BCAS3: variants seen among roughly 807,000 people sequenced by gnomAD.
BCAS3 encodes the protein BCAS4/BCAS3 fusion.
Under a neutral mutation model 116.1 loss-of-function variants are expected in BCAS3, and 53 were observed. The observed-to-expected ratio is 0.46, with a 90% CI of 0.37 to 0.57. The LOEUF is 0.57. Ranked by LOEUF, BCAS3 falls within the 20% of genes least tolerant of loss-of-function variation. The pLI is 0.00. For synonymous variants in BCAS3, 391 were observed against 408.2 expected, an observed-to-expected ratio of 0.96 and a Z score of 0.51; for missense variants, 917 against 1,165.4, an observed-to-expected ratio of 0.79 and a Z score of 3.10.
At chr17:61,231,869 C>T (rs372142054) in intron 22 of BCAS3, among the ~76,000 whole-genome samples, 1 of 100,450 alleles carries the variant, frequency 1.0e-5, no homozygotes, top group Non-Finnish European at 1.9e-5. Context: ...GACCCTGTCT[C>T]AAAAAAAAAA....
At chr17:60,705,025 G>A (rs2036933045) in intron 4 of BCAS3, among the ~76,000 whole-genome samples, 1 of 151,986 alleles carries the variant, frequency 6.6e-6, no homozygotes, top group South Asian at 2.1e-4. Flanking sequence ...ATACTCTATG[G>A]AAAGGATTGT....
rs1346960206 is a variant in BCAS3, at chr17:61,077,198, C to G, written c.2131-1135C>G. The stretch of plus-strand genomic sequence containing the variant: ...CAGGTTTTTCCAAGTGTCTTCTACC[C>G]ACTTCTTTGACTTTATAATGTTTAA... On this transcript the variant is annotated intron_variant, in intron 20 of 23. Transcript: ENST00000407086. The surrounding 1 kb of genome is among the most constrained non-coding windows in gnomAD (Gnocchi z 4.3). Among the ~76,000 whole-genome samples the G allele has an allele frequency of 2.6e-5, 4 of 151,786 alleles. No homozygotes were observed. Among genetic ancestry groups the G allele is most frequent in the African/African-American group, 9.7e-5 (4 of 41,300 alleles).
At chr17:61,027,437 C>T in intron 16 of BCAS3, 1 of 433,038 alleles carries the variant, frequency 2.3e-6, no homozygotes, top group Non-Finnish European at 4.6e-6. Context: ...TTACATAAAA[C>T]CTCCTAAATA....
intron 22 of BCAS3, among the ~76,000 whole-genome samples, chr17:61,174,716 T>C (rs1284853547): frequency 9.2e-5 from 14 of 152,132 alleles, no homozygotes; most frequent in Admixed American, 9.2e-4. Context: ...AATAAGGAAA[T>C]GGCCAAAGTA....
At chr17:60,866,444 C>T (rs1042622519) in intron 7 of BCAS3, among the ~76,000 whole-genome samples, 2 of 152,008 alleles carry the variant, frequency 1.3e-5, no homozygotes, top group Admixed American at 6.6e-5. Flanking sequence ...CTAATATTTT[C>T]TTAATGAGTT....
chr17:60,818,302 C>G (rs2049619875), intron 7 of BCAS3, among the ~76,000 whole-genome samples: 1 of 152,138 alleles, frequency 6.6e-6, no homozygotes, highest in Non-Finnish European at 1.5e-5. Flanking sequence ...CTTGGATTGG[C>G]AGAAGTTCAT....
rs1267985905 is a variant in BCAS3, at chr17:60,854,949, G to GTTTTT, written c.477-13610_477-13606dup. Among the ~76,000 whole-genome samples the GTTTTT allele has an allele frequency of 2.7e-3, 330 of 121,934 alleles. 14 individuals are homozygous for GTTTTT. The highest frequency in any genetic ancestry group is 8.9e-3 in the African/African-American group (251 of 28,194). The allele number at this position is 121,934 out of a possible 152,430, so 80.0% of individuals were successfully genotyped here. A position where few individuals can be genotyped will look rare whatever the true frequency, so the allele number is the denominator to read the frequency against. ...ATTTTTCTTATTTATTTTCAGTGAGGTTTTTTTTTTTTTTTTTTTTTGTAG... is the reference window on the plus strand; with the variant it reads ...ATTTTTCTTATTTATTTTCAGTGAGGTTTTTTTTTTTTTTTTTTTTTTTTTTGTAG... On this transcript the variant is annotated intron_variant, in intron 7 of 23. Transcript: ENST00000407086.
rs748359271 is a variant in BCAS3, at chr17:60,679,527, C to T, written c.70C>T (p.Pro24Ser). Residue 24 changes from proline (P) to serine (S), a missense_variant, in exon 2 of 24, where the codon CCC becomes TCC. Transcript: ENST00000407086. ...TTGTACTGGTGGAGTTGTGGTTCGC[C>T]CCCAGGCTGTCACGTAAGCACATTT... is the stretch of plus-strand genomic sequence containing the variant. ...SRCTGGVVVR[P>S]QAVTEQSYME... 3 of 1,612,910 alleles carry T rather than the reference C, an allele frequency of 1.9e-6. No homozygotes were observed. The highest frequency in any genetic ancestry group is 2.5e-6 in the Non-Finnish European group (3 of 1,179,084).
At position 61,084,476 on chromosome 17, in the gene BCAS3, A is replaced by G; in HGVS notation, c.2337A>G (p.Pro779=). Residue 779 remains proline, a synonymous_variant, in exon 22 of 24, where the codon CCA becomes CCG. Coordinates refer to ENST00000407086, the MANE Select transcript of BCAS3 (RefSeq NM_017679.5). The surrounding 1 kb of genome is among the most constrained non-coding windows in gnomAD (Gnocchi z 5.5). ...DLDLNSLRIQ[P]VRSDPVSMPG... is the part of the protein sequence containing the mutation. ...TTAAATTGCATTGCAGGATCCAGCC[A>G]GTCCGCTCTGACCCCGTCAGCATGC... The G allele has an allele frequency of 1.2e-6, 2 of 1,612,434 alleles. No individual in the cohort carries two copies. Among genetic ancestry groups the G allele is most frequent in the Non-Finnish European group, 1.7e-6 (2 of 1,179,522 alleles).
At chr17:60,696,073 C>G (rs1384441122) in intron 4 of BCAS3, among the ~76,000 whole-genome samples, 1 of 152,104 alleles carries the variant, frequency 6.6e-6, no homozygotes, top group Non-Finnish European at 1.5e-5. Context: ...TTATTCATAC[C>G]TTTATGATTA....
rs2051355149 is a variant in BCAS3, at chr17:61,282,828, AT to A, written c.2426-85493del. Among the ~76,000 whole-genome samples the A allele has an allele frequency of 6.6e-6, 1 of 152,074 alleles. No individual in the cohort carries two copies. Among genetic ancestry groups the A allele is most frequent in the Admixed American group, 6.6e-5 (1 of 15,260 alleles). On this transcript the variant is annotated intron_variant, in intron 22 of 23. Coordinates refer to ENST00000407086, the MANE Select transcript of BCAS3 (RefSeq NM_017679.5). This position sits in a 1 kb window ranked among gnomAD's most constrained non-coding sequence, Gnocchi z 5.9. Reference sequence around the variant, plus strand: ...ATTTTAAACATTTTTTATCCAGATAATTTTTTCACAGAGGGAAATGCACAGA... The same window carrying A: ...ATTTTAAACATTTTTTATCCAGATAATTTTTCACAGAGGGAAATGCACAGA...
rs1380711662 is a variant in BCAS3, at chr17:61,208,544, T to C, written c.2425+123980T>C. Among the ~76,000 whole-genome samples the C allele has an allele frequency of 6.6e-6, 1 of 152,180 alleles. No individual in the cohort carries two copies. Among genetic ancestry groups the C allele is most frequent in the African/African-American group, 2.4e-5 (1 of 41,440 alleles). On this transcript the variant is annotated intron_variant, in intron 22 of 23. Coordinates refer to ENST00000407086, the MANE Select transcript of BCAS3 (RefSeq NM_017679.5). The surrounding 1 kb of genome is among the most constrained non-coding windows in gnomAD (Gnocchi z 4.5). ...TCATTAGCTCAGCTTAATTTGAGGA[T>C]GTTCTGAAAAGAGAGAGGGAGAAAC...
chr17:60,999,560 A>AAG (rs1388536689), intron 15 of BCAS3, among the ~76,000 whole-genome samples: 4 of 149,540 alleles, frequency 2.7e-5, no homozygotes, highest in African/African-American at 1.0e-4. Flanking sequence ...AAAAAAAAAA[A>AAG]AAAAGAAAAA....
At chr17:60,733,106 AAT>A (rs1391847849) in intron 5 of BCAS3, among the ~76,000 whole-genome samples, 1 of 152,202 alleles carries the variant, frequency 6.6e-6, no homozygotes, top group African/African-American at 2.4e-5. Context: ...TATACTATCA[AAT>A]ATACAATTAT....
chr17:61,374,307 A>G (rs2059224139), intron 23 of BCAS3, among the ~76,000 whole-genome samples: 1 of 151,024 alleles, frequency 6.6e-6, no homozygotes, highest in Non-Finnish European at 1.5e-5. Flanking sequence ...AGTGGCTAGG[A>G]CTACAGGCAT....
rs1424199950 is a variant in BCAS3 at position 61,041,440 on chromosome 17, G to T, written c.2029+548G>T. On this transcript the variant is annotated intron_variant, in intron 19 of 23. Transcript: ENST00000407086. The surrounding 1 kb of genome is among the most constrained non-coding windows in gnomAD (Gnocchi z 4.7). ...ACCAAGTTCATTGACCTAGATAACA[G>T]CTTTTTATATGGGAGTCATTTAAAG... Among the ~76,000 whole-genome samples, 1 of 149,584 alleles carries T rather than the reference G, an allele frequency of 6.7e-6. No individual in the cohort carries two copies. Among genetic ancestry groups the T allele is most frequent in the Non-Finnish European group, 1.5e-5 (1 of 66,424 alleles).
At chr17:60,927,542 A>G (rs954453758) in intron 13 of BCAS3, among the ~76,000 whole-genome samples, 1 of 152,184 alleles carries the variant, frequency 6.6e-6, no homozygotes, top group African/African-American at 2.4e-5. Context: ...GGCATGAGCC[A>G]CCACCCCTGG....
Position 61,021,537 on chromosome 17 carries a change from AC to A in BCAS3, c.1637+5638del, listed in dbSNP as rs2065875360. Among the ~76,000 whole-genome samples, 2 of 151,342 alleles carry A rather than the reference AC, an allele frequency of 1.3e-5. No individual in the cohort carries two copies. Among genetic ancestry groups the A allele is most frequent in the African/African-American group, 4.9e-5 (2 of 41,060 alleles). ...CAGTGTGTCCTAGGTAAATTTCTTC[AC>A]CTGAAAAAAAAAAGTTTATATATAT... On this transcript the variant is annotated intron_variant, in intron 16 of 23. Transcript: ENST00000407086. This position sits in a 1 kb window ranked among gnomAD's most constrained non-coding sequence, Gnocchi z 4.6.
Position 60,995,285 on chromosome 17 carries a change from T to G in BCAS3, c.1486+5050T>G, listed in dbSNP as rs528822045. Among the ~76,000 whole-genome samples, 4 of 152,316 alleles carry G rather than the reference T, an allele frequency of 2.6e-5. No homozygotes were observed. Among genetic ancestry groups the G allele is most frequent in the African/African-American group, 9.6e-5 (4 of 41,564 alleles). ...CTTCTGCTTCAGCCTCCCAAGTAGC[T>G]GGGATTACAGGTGCCCGCCACCATG... On this transcript the variant is annotated intron_variant, in intron 15 of 23. Coordinates refer to ENST00000407086, the MANE Select transcript of BCAS3 (RefSeq NM_017679.5). The surrounding 1 kb of genome is among the most constrained non-coding windows in gnomAD (Gnocchi z 4.7).
Sources: allele counts gnomAD v4.1 joint callset (sites outside exome capture counted in the v4.1 genomes callset), GRCh38; gene constraint gnomAD v4.1.1; non-coding constraint Gnocchi (gnomAD v3.1); transcripts MANE v1.5; gene names NCBI Gene and HGNC (gene_info 2026-07-23, HGNC 2026-07-21).